The following WDFY2 variants were observed in gnomAD, a reference collection of about 807,000 sequenced individuals.
WDFY2 encodes WD repeat and FYVE domain containing 2.
WDFY2 carries 36 observed loss-of-function variants against 56.4 expected under a neutral mutation model. The ratio of observed to expected loss-of-function variants is 0.64; its 90% CI spans 0.49 to 0.84. WDFY2 has a LOEUF of 0.84. Ranked by LOEUF, WDFY2 falls within the 40% of genes least tolerant of loss-of-function variation. WDFY2 has a pLI of 0.00. For synonymous variants in WDFY2, 176 were observed against 183.7 expected, an observed-to-expected ratio of 0.96 and a Z score of 0.34; for missense variants, 444 against 512.2, an observed-to-expected ratio of 0.87 and a Z score of 1.29.
intron 2 of WDFY2, among the ~76,000 whole-genome samples, chr13:51,673,694 G>A (rs1178379664): frequency 1.3e-5 from 2 of 151,960 alleles, no homozygotes; most frequent in Non-Finnish European, 1.5e-5. Flanking sequence ...TCTTAATATT[G>A]TATAGAAATT....
intron 6 of WDFY2, among the ~76,000 whole-genome samples, chr13:51,738,539 G>C (rs1952893276): frequency 6.6e-6 from 1 of 152,180 alleles, no homozygotes; most frequent in African/African-American, 2.4e-5. Flanking sequence ...AACATAAGAA[G>C]TTTGCCCGGA....
At chr13:51,594,838 A>G (rs755654121) in intron 1 of WDFY2, among the ~76,000 whole-genome samples, 2 of 152,198 alleles carry the variant, frequency 1.3e-5, no homozygotes, top group Non-Finnish European at 2.9e-5. Flanking sequence ...CTTGGAGCAT[A>G]GTTGGTGCTC....
chr13:51,590,937 G>A (rs1370683649), intron 1 of WDFY2: 1 of 152,054 alleles, frequency 6.6e-6, no homozygotes, highest in African/African-American at 2.4e-5. Context: ...AAAAGAAAAG[G>A]TCATCTCCTT....
chr13:51,655,353 T>C (rs550861553), intron 1 of WDFY2, among the ~76,000 whole-genome samples: 6 of 152,290 alleles, frequency 3.9e-5, no homozygotes, highest in Non-Finnish European at 7.4e-5. Context: ...CTTTATTAGA[T>C]TAAGGAAATT....
chr13:51,640,987 C>T (rs2138402428), intron 1 of WDFY2, among the ~76,000 whole-genome samples: 1 of 152,286 alleles, frequency 6.6e-6, no homozygotes, highest in East Asian at 1.9e-4. Context: ...CTGTCTTCTG[C>T]TCTGCTGTAT....
At chr13:51,725,197 G>C (rs1952578481) in intron 5 of WDFY2, among the ~76,000 whole-genome samples, 1 of 152,030 alleles carries the variant, frequency 6.6e-6, no homozygotes, top group Non-Finnish European at 1.5e-5. Context: ...TCCTCATTTG[G>C]TTTATCCTAC....
At chr13:51,585,637 T>C (rs1953922685) in intron 1 of WDFY2, among the ~76,000 whole-genome samples, 2 of 152,252 alleles carry the variant, frequency 1.3e-5, no homozygotes, top group South Asian at 4.1e-4. Context: ...ATTTCTAGAG[T>C]AATGTTGCTT....
chr13:51,640,577 G>A (rs898740985), intron 1 of WDFY2, among the ~76,000 whole-genome samples: 7 of 152,182 alleles, frequency 4.6e-5, no homozygotes, highest in Non-Finnish European at 7.3e-5. Flanking sequence ...GGCCAGGTGC[G>A]GTGGCTCATG....
At chr13:51,635,095 C>T (rs1296645376) in intron 1 of WDFY2, among the ~76,000 whole-genome samples, 7 of 151,696 alleles carry the variant, frequency 4.6e-5, no homozygotes, top group Non-Finnish European at 1.0e-4. Flanking sequence ...CCTGCCACCA[C>T]GCCTGGCTAA....
intron 1 of WDFY2, chr13:51,599,414 G>A: frequency 6.4e-6 from 1 of 156,274 alleles, no homozygotes; most frequent in Non-Finnish European, 1.4e-5. Flanking sequence ...GAAGCGCATG[G>A]CACAGTAAAG....
intron 5 of WDFY2, among the ~76,000 whole-genome samples, 163 bp downstream of exon 5, chr13:51,719,511 C>A (rs1479817340): frequency 1.3e-5 from 2 of 152,128 alleles, no homozygotes. Flanking sequence ...TCATTGAGTT[C>A]CCATGTAAGT....
intron 7 of WDFY2, among the ~76,000 whole-genome samples, chr13:51,745,755 A>AAAT (rs1566221101): frequency 6.7e-6 from 1 of 149,688 alleles, no homozygotes; most frequent in African/African-American, 2.5e-5. Flanking sequence ...AAAAAAAAAA[A>AAAT]AAAAAAAAAA....
At chr13:51,689,106 G>A (rs181972003) in intron 3 of WDFY2, among the ~76,000 whole-genome samples, 284 of 152,210 alleles carry the variant, frequency 1.9e-3, no homozygotes, top group Non-Finnish European at 3.4e-3. Context: ...TGCCAGAGGC[G>A]GTCTTGAAAG....
At chr13:51,692,015 A>G (rs1593418424) in intron 3 of WDFY2, among the ~76,000 whole-genome samples, 1 of 152,100 alleles carries the variant, frequency 6.6e-6, no homozygotes, top group Non-Finnish European at 1.5e-5. Flanking sequence ...GGTGTATAAG[A>G]ATGCTTGTGA....
intron 3 of WDFY2, among the ~76,000 whole-genome samples, chr13:51,688,602 C>G (rs1956099843): frequency 1.3e-5 from 2 of 152,108 alleles, no homozygotes; most frequent in South Asian, 4.1e-4. Flanking sequence ...TAGGTAATCT[C>G]TAAGACCCCT....
chr13:51,716,239 TAG>T (rs890902851), intron 4 of WDFY2, among the ~76,000 whole-genome samples: 4 of 152,196 alleles, frequency 2.6e-5, no homozygotes, highest in African/African-American at 9.7e-5. Context: ...GTTGGGAATA[TAG>T]AGTTTCATTT....
intron 1 of WDFY2, among the ~76,000 whole-genome samples, chr13:51,650,919 C>G (rs1188442653): frequency 6.6e-6 from 1 of 152,180 alleles, no homozygotes; most frequent in East Asian, 1.9e-4. Context: ...CAGGATGATG[C>G]TGGCCTCATA....
intron 7 of WDFY2, among the ~76,000 whole-genome samples, chr13:51,742,639 G>A (rs576612671): frequency 1.9e-4 from 29 of 152,198 alleles, no homozygotes; most frequent in Non-Finnish European, 3.2e-4. Flanking sequence ...CTTCACGCCC[G>A]TAATTTTTCT....
chr13:51,711,441 G>C (rs1318774742), intron 4 of WDFY2, among the ~76,000 whole-genome samples: 22 of 149,304 alleles, frequency 1.5e-4, no homozygotes, highest in Admixed American at 3.3e-4. Context: ...TGACAAATGG[G>C]ATCTAATTAA....
Sources: gnomAD v4.1 joint callset for allele counts (sites outside exome capture counted in the v4.1 genomes callset) on GRCh38, gnomAD v4.1.1 for gene constraint, MANE v1.5 for transcripts, NCBI Gene and HGNC (gene_info 2026-07-23, HGNC 2026-07-21) for gene names.